The following OPCML variants were observed in gnomAD, a reference collection of about 807,000 sequenced individuals.
The protein encoded by OPCML is opioid-binding protein/cell adhesion molecule.
Under a neutral mutation model 37.8 loss-of-function variants are expected in OPCML, and 13 were observed. The ratio of observed to expected loss-of-function variants is 0.34; its 90% CI spans 0.22 to 0.55. The LOEUF is 0.55. OPCML is among the 20% of genes least tolerant of loss of function. The pLI is 0.91. For missense variants in OPCML, 341 were observed against 435.6 expected, an observed-to-expected ratio of 0.78 and a Z score of 1.93; for synonymous variants, 176 against 168.8, an observed-to-expected ratio of 1.04 and a Z score of -0.33.
chr11:132,936,105 C>T (rs770757394), intron 2 of OPCML, among the ~76,000 whole-genome samples: 2 of 152,114 alleles, frequency 1.3e-5, no homozygotes, highest in Non-Finnish European at 2.9e-5. Flanking sequence ...CACTTGAGTG[C>T]GGGTGAGGGG....
chr11:132,588,121 T>A (rs1227052362), intron 3 of OPCML, among the ~76,000 whole-genome samples: 1 of 152,112 alleles, frequency 6.6e-6, no homozygotes, highest in African/African-American at 2.4e-5. Context: ...TAGCGACAAT[T>A]GATTCTGATC....
chr11:132,645,935 CA>C (rs1489209755), intron 3 of OPCML, among the ~76,000 whole-genome samples: 1 of 152,070 alleles, frequency 6.6e-6, no homozygotes, highest in Non-Finnish European at 1.5e-5. Flanking sequence ...TTTGGATATC[CA>C]GGGAGAAGAA....
At chr11:133,003,095 G>GC (rs1233619786) in intron 1 of OPCML, among the ~76,000 whole-genome samples, 5 of 152,200 alleles carry the variant, frequency 3.3e-5, no homozygotes, top group African/African-American at 9.6e-5. Context: ...AAAACTTGAA[G>GC]AAGATTTGCT....
At chr11:133,530,393 A>G (rs1285159737) in intron 1 of OPCML, among the ~76,000 whole-genome samples, 5 of 152,242 alleles carry the variant, frequency 3.3e-5, no homozygotes, top group African/African-American at 1.2e-4. Flanking sequence ...GCGCATCCAT[A>G]CAGCCAGGAT....
At chr11:133,233,590 A>T (rs796390830) in intron 1 of OPCML, among the ~76,000 whole-genome samples, 25 of 152,178 alleles carry the variant, frequency 1.6e-4, no homozygotes, top group African/African-American at 6.0e-4. Context: ...TTTTGAGTCA[A>T]CCCCACTTTA....
At chr11:133,001,023 C>T (rs1364238553) in intron 1 of OPCML, among the ~76,000 whole-genome samples, 1 of 152,182 alleles carries the variant, frequency 6.6e-6, no homozygotes, top group Non-Finnish European at 1.5e-5. Context: ...TAAAATCTCC[C>T]TGAGGCCTCA....
intron 2 of OPCML, chr11:132,771,504 A>G (rs1187032455): frequency 6.6e-6 from 1 of 152,202 alleles, no homozygotes; most frequent in African/African-American, 2.4e-5. Flanking sequence ...AAGACAAGCA[A>G]TTAATCCTAT....
chr11:133,343,013 T>C (rs1408097459), intron 1 of OPCML, among the ~76,000 whole-genome samples: 1 of 152,190 alleles, frequency 6.6e-6, no homozygotes, highest in African/African-American at 2.4e-5. Context: ...ATTTTTTAAA[T>C]TTTTATAGAG....
chr11:133,300,360 TC>T (rs11316806), intron 1 of OPCML: 44,759 of 151,846 alleles, frequency 0.29, 7,807 homozygotes, highest in East Asian at 0.65. Flanking sequence ...CAAGGTGGTC[TC>T]CTTTTTTGTC....
intron 2 of OPCML, among the ~76,000 whole-genome samples, chr11:132,761,349 G>T (rs1178210872): frequency 1.3e-5 from 2 of 151,430 alleles, no homozygotes; most frequent in Non-Finnish European, 2.9e-5. Context: ...GTGAATGTTG[G>T]CCTGTCTTGC....
At chr11:133,235,283 G>A (rs1032167521) in intron 1 of OPCML, among the ~76,000 whole-genome samples, 4 of 152,168 alleles carry the variant, frequency 2.6e-5, no homozygotes, top group African/African-American at 4.8e-5. Flanking sequence ...AGAGACCAAC[G>A]TGGGCCAGTT....
intron 1 of OPCML, among the ~76,000 whole-genome samples, chr11:133,455,758 A>G (rs1565643096): frequency 6.6e-6 from 1 of 152,160 alleles, no homozygotes; most frequent in Non-Finnish European, 1.5e-5. Context: ...ATATCTGCAG[A>G]TATACTAAAA....
chr11:133,237,647 A>G (rs1016758650), intron 1 of OPCML, among the ~76,000 whole-genome samples: 6 of 152,216 alleles, frequency 3.9e-5, no homozygotes, highest in Non-Finnish European at 8.8e-5. Context: ...AGGTAATTGA[A>G]GGGATGAGGG....
At chr11:132,434,288 T>G (rs941338659) in intron 7 of OPCML, among the ~76,000 whole-genome samples, 1 of 152,196 alleles carries the variant, frequency 6.6e-6, no homozygotes, top group African/African-American at 2.4e-5. Context: ...ATTTCAGGTC[T>G]AGAAAATTCA....
chr11:132,573,536 C>T (rs1381333515), intron 3 of OPCML, among the ~76,000 whole-genome samples: 1 of 151,824 alleles, frequency 6.6e-6, no homozygotes, highest in African/African-American at 2.4e-5. Flanking sequence ...TCCTTTATTC[C>T]ATTGATTTTG....
At chr11:132,899,216 T>G (rs76631909) in intron 2 of OPCML, among the ~76,000 whole-genome samples, 1,922 of 152,294 alleles carry the variant, frequency 0.013, 52 homozygotes, top group African/African-American at 0.044. Context: ...GCTGTGGCCA[T>G]GTGACTAGTT....
At chr11:133,071,147 C>T (rs4601796) in intron 1 of OPCML, among the ~76,000 whole-genome samples, 54,031 of 152,088 alleles carry the variant, frequency 0.36, 11,435 homozygotes, top group African/African-American at 0.56. Context: ...GAGGCAGGTA[C>T]TGGCTAAGAC....
chr11:132,714,927 G>A (rs999166883), intron 2 of OPCML, among the ~76,000 whole-genome samples: 1 of 152,160 alleles, frequency 6.6e-6, no homozygotes, highest in African/African-American at 2.4e-5. Context: ...GCAGAAAACA[G>A]TTCACAGTGC....
At chr11:132,906,130 T>C (rs1944231987) in intron 2 of OPCML, among the ~76,000 whole-genome samples, 1 of 152,182 alleles carries the variant, frequency 6.6e-6, no homozygotes, top group Admixed American at 6.5e-5. Flanking sequence ...TCTTTCCCTC[T>C]GCCCCTACTA....
Sources: allele counts gnomAD v4.1 joint callset (sites outside exome capture counted in the v4.1 genomes callset), GRCh38; gene constraint gnomAD v4.1.1; transcripts MANE v1.5; gene names NCBI Gene and HGNC (gene_info 2026-07-23, HGNC 2026-07-21).